The following PTPRD variants were observed in gnomAD, a reference collection of about 807,000 sequenced individuals.
PTPRD encodes protein tyrosine phosphatase receptor type D.
Under a neutral mutation model 214.5 loss-of-function variants are expected in PTPRD, and 34 were observed. The observed-to-expected ratio is 0.16, with a 90% CI of 0.12 to 0.21. The LOEUF (loss-of-function observed/expected upper bound fraction) is 0.21, where lower values mean the gene tolerates loss of function less well. PTPRD is among the 10% of genes least tolerant of loss of function. The pLI is 1.00. For synonymous variants in PTPRD, 1,128 were observed against 845.7 expected (o/e 1.33, Z -5.79); for missense variants, 2,545 against 2,398.7 (o/e 1.06, Z -1.27).
At chr9:10,362,873 T>C (rs538782652) in intron 2 of PTPRD, among the ~76,000 whole-genome samples, 2 of 152,172 alleles carry the variant, frequency 1.3e-5, no homozygotes, top group South Asian at 4.2e-4. Flanking sequence ...GAGTGAGACT[T>C]CATCTCAAAA....
chr9:10,565,007 C>G (rs2065176111), intron 2 of PTPRD, among the ~76,000 whole-genome samples: 1 of 152,054 alleles, frequency 6.6e-6, no homozygotes, highest in South Asian at 2.1e-4. Flanking sequence ...TTCTAGGCCT[C>G]TAATTTTCTA....
intron 6 of PTPRD, among the ~76,000 whole-genome samples, chr9:9,766,530 C>T (rs866736820): frequency 1.3e-4 from 20 of 152,148 alleles, no homozygotes; most frequent in Middle Eastern, 3.4e-3. Context: ...TTTCATCAAC[C>T]TTTGAATAGT....
chr9:9,939,521 G>T, intron 4 of PTPRD, among the ~76,000 whole-genome samples: 1 of 152,076 alleles, frequency 6.6e-6, no homozygotes, highest in East Asian at 1.9e-4. Context: ...CTGCTTATCT[G>T]AATCTTCAAA....
chr9:10,094,555 T>C (rs1431669077), intron 3 of PTPRD, among the ~76,000 whole-genome samples: 2 of 110,420 alleles, frequency 1.8e-5, no homozygotes, highest in South Asian at 2.7e-4. Context: ...TTTTTTTTTT[T>C]CTGAAATGGG....
chr9:10,507,512 C>T (rs931201149), intron 2 of PTPRD, among the ~76,000 whole-genome samples: 42 of 152,070 alleles, frequency 2.8e-4, no homozygotes, highest in African/African-American at 1.0e-3. Flanking sequence ...GCCAAAAGAA[C>T]AAAGCTGGAG....
chr9:10,110,705 T>C (rs1424161696), intron 3 of PTPRD, among the ~76,000 whole-genome samples: 4 of 152,192 alleles, frequency 2.6e-5, no homozygotes, highest in African/African-American at 9.7e-5. Flanking sequence ...ATCCAATCCG[T>C]AAAAGGTTGG....
chr9:10,119,201 C>A (rs959727253), intron 3 of PTPRD, among the ~76,000 whole-genome samples: 1 of 151,850 alleles, frequency 6.6e-6, no homozygotes, highest in Non-Finnish European at 1.5e-5. Context: ...AGCTAACCCC[C>A]CCTTTTTTAA....
At chr9:9,268,186 A>T (rs1417977696) in intron 9 of PTPRD, among the ~76,000 whole-genome samples, 1 of 151,254 alleles carries the variant, frequency 6.6e-6, no homozygotes, top group Non-Finnish European at 1.5e-5. Context: ...AAAAATCAGC[A>T]CGAAAAAGTC....
intron 10 of PTPRD, among the ~76,000 whole-genome samples, chr9:9,058,262 T>A (rs1416100009): frequency 6.6e-6 from 1 of 151,898 alleles, no homozygotes; most frequent in Non-Finnish European, 1.5e-5. Flanking sequence ...TAAGTTGGAA[T>A]AAAGCAGTGT....
intron 3 of PTPRD, among the ~76,000 whole-genome samples, chr9:10,294,547 T>C (rs765776023): frequency 6.6e-6 from 1 of 152,012 alleles, no homozygotes; most frequent in Non-Finnish European, 1.5e-5. Context: ...AAAAAATGAC[T>C]GATGTATCCA....
At chr9:10,606,613 C>A (rs1200890622) in intron 2 of PTPRD, among the ~76,000 whole-genome samples, 1 of 146,162 alleles carries the variant, frequency 6.8e-6, no homozygotes, top group Non-Finnish European at 1.5e-5. Flanking sequence ...GGGTTATTTT[C>A]TATGTGGTAT....
At chr9:10,229,206 G>A (rs1286148036) in intron 3 of PTPRD, among the ~76,000 whole-genome samples, 1 of 151,978 alleles carries the variant, frequency 6.6e-6, no homozygotes, top group African/African-American at 2.4e-5. Flanking sequence ...GAAACAACAG[G>A]TGCTGGAGAG....
intron 2 of PTPRD, among the ~76,000 whole-genome samples, chr9:10,608,445 G>A (rs1430462681): frequency 1.3e-5 from 2 of 152,024 alleles, no homozygotes; most frequent in African/African-American, 2.4e-5. Context: ...CGTAACAAGA[G>A]TGTCCAGGCA....
At chr9:9,168,027 T>A (rs1265201506) in intron 10 of PTPRD, among the ~76,000 whole-genome samples, 2 of 152,138 alleles carry the variant, frequency 1.3e-5, no homozygotes, top group African/African-American at 4.8e-5. Flanking sequence ...TTTTTCCACC[T>A]TTGCTTTATT....
chr9:10,143,851 G>A (rs566402475), intron 3 of PTPRD, among the ~76,000 whole-genome samples: 11 of 152,056 alleles, frequency 7.2e-5, no homozygotes, highest in Admixed American at 1.3e-4. Flanking sequence ...GGAACTAATC[G>A]TTGAGTACAC....
At chr9:8,726,026 G>GACAGACAC (rs1416841611) in intron 12 of PTPRD, among the ~76,000 whole-genome samples, 3 of 139,510 alleles carry the variant, frequency 2.2e-5, no homozygotes, top group African/African-American at 8.5e-5. Context: ...CAGACAGACA[G>GACAGACAC]ACACACACAC....
intron 12 of PTPRD, among the ~76,000 whole-genome samples, chr9:8,657,671 G>A (rs1296251198): frequency 6.6e-6 from 1 of 151,972 alleles, no homozygotes; most frequent in Non-Finnish European, 1.5e-5. Flanking sequence ...TGCTTTTGTT[G>A]CAATTGTTTT....
chr9:10,290,435 G>T (rs2095494432), intron 3 of PTPRD, among the ~76,000 whole-genome samples: 1 of 152,112 alleles, frequency 6.6e-6, no homozygotes, highest in Non-Finnish European at 1.5e-5. Context: ...TCAGACATTT[G>T]CTTTCAGGAT....
At chr9:8,934,493 A>ATATATATT (rs1491494905) in intron 11 of PTPRD, among the ~76,000 whole-genome samples, 214 of 4,290 alleles carry the variant, frequency 0.05, 18 homozygotes, top group East Asian at 0.41. Context: ...ATATATATAT[A>ATATATATT]AATATATATA....
Sources: gnomAD v4.1 joint callset for allele counts (sites outside exome capture counted in the v4.1 genomes callset) on GRCh38, gnomAD v4.1.1 for gene constraint, MANE v1.5 for transcripts, NCBI Gene and HGNC (gene_info 2026-07-23, HGNC 2026-07-21) for gene names.